ANGPT1: variants seen among roughly 807,000 people sequenced by gnomAD.
The protein encoded by ANGPT1 is angiopoietin-1.
ANGPT1 carries 17 observed loss-of-function variants against 62.2 expected under a neutral mutation model. That is an observed-to-expected ratio of 0.27 (90% CI 0.19 to 0.41). The LOEUF (loss-of-function observed/expected upper bound fraction) is 0.41. Among genes scored for constraint, ANGPT1 ranks in the 10% least tolerant of loss-of-function variants. ANGPT1 has a pLI of 1.00. For synonymous variants in ANGPT1, 199 were observed against 198.9 expected, an observed-to-expected ratio of 1.00 and a Z score of 0.00; for missense variants, 478 against 594.9, an observed-to-expected ratio of 0.80 and a Z score of 2.04.
chr8:107,392,683 A>G (rs186012365), intron 1 of ANGPT1, among the ~76,000 whole-genome samples: 1 of 152,282 alleles, frequency 6.6e-6, no homozygotes, highest in Non-Finnish European at 1.5e-5. Context: ...TAGGAATATT[A>G]ACTCTACTCC....
intron 1 of ANGPT1, among the ~76,000 whole-genome samples, chr8:107,492,676 A>G (rs1478540261): frequency 6.9e-6 from 1 of 145,296 alleles, no homozygotes; most frequent in Admixed American, 7.0e-5. Flanking sequence ...GTTCCCACAA[A>G]TGTGAAAATA....
Position 107,497,642 on chromosome 8 carries a change from T to C in ANGPT1, c.-84A>G. The C allele has an allele frequency of 2.9e-6, 4 of 1,373,224 alleles. No individual in the cohort carries two copies. The highest frequency in any genetic ancestry group is 3.9e-6 in the Non-Finnish European group (4 of 1,025,740). The allele number at this position is 1,373,224 out of a possible 1,614,324, so 85.1% of individuals were successfully genotyped here. A position where few individuals can be genotyped will look rare whatever the true frequency, so the allele number is the denominator to read the frequency against. ...TCTAAAACTAGTTCTTTATTTCAGG[T>C]AAAACTGCTTGTTTGTTTGACTCTT... On this transcript the variant is annotated 5_prime_UTR_variant, in exon 1 of 9. Transcript: ENST00000517746.
At chr8:107,313,735 G>T (rs10955448) in intron 4 of ANGPT1, among the ~76,000 whole-genome samples, 2 of 151,496 alleles carry the variant, frequency 1.3e-5, no homozygotes, top group African/African-American at 4.9e-5. Context: ...GAGCCACCAC[G>T]ACTGGCCAAA....
In ANGPT1 at chr8:107,321,937, T is replaced by C. The variant is rs1426733536; in HGVS notation, c.767A>G (p.Asp256Gly). 2.5e-6 allele frequency: 4 copies of C among 1,613,898 alleles called. No individual in the cohort carries two copies. The change falls in exon 4 of 9, where the codon GAC (aspartate) becomes GGC (glycine). Residue 256 changes from aspartate to glycine, a missense_variant. Physicochemically the swap from Asp to Gly is moderately conservative, Grantham distance 94. Transcript: ENST00000517746. Reference protein sequence around the residue: ...VLQKQQLELMDTVHNLVNLCT... With the variant: ...VLQKQQLELMGTVHNLVNLCT... ...AAGATTGACAAGGTTGTGGACTGTG[T>C]CCATCAGCTCCAGTTGCTGCTTCTG... is the stretch of plus-strand genomic sequence containing the variant.
chr8:107,323,208 A>G (rs796390301), intron 3 of ANGPT1, among the ~76,000 whole-genome samples: 3 of 152,200 alleles, frequency 2.0e-5, no homozygotes, highest in African/African-American at 7.2e-5. Flanking sequence ...GGAGCCTACC[A>G]ACTGACTGGA....
At chr8:107,373,656 T>C (rs1344253502) in intron 1 of ANGPT1, among the ~76,000 whole-genome samples, 4 of 152,188 alleles carry the variant, frequency 2.6e-5, no homozygotes, top group African/African-American at 4.8e-5. Flanking sequence ...TTTTTCTTTC[T>C]AGGGGCTCTC....
rs894065560 is a variant in ANGPT1 at position 107,325,753 on chromosome 8, T to C, written c.576-3625A>G. ...AACTTCTGTTTCAGACATAATACTT[T>C]TTTTTTAAATTTTTGCATCAGTGTT... On this transcript the variant is annotated intron_variant, in intron 3 of 8. Coordinates refer to ENST00000517746, the MANE Select transcript of ANGPT1 (RefSeq NM_001146.5). Among the ~76,000 whole-genome samples, 13 of 152,178 alleles carry C rather than the reference T, an allele frequency of 8.5e-5. No homozygotes were observed. In the South Asian group the frequency reaches 2.7e-3, roughly 31 times the overall value.
chr8:107,314,821 A>G (rs1450223622), intron 4 of ANGPT1, among the ~76,000 whole-genome samples: 5 of 152,226 alleles, frequency 3.3e-5, no homozygotes, highest in African/African-American at 1.2e-4. Flanking sequence ...CGAAACTGAT[A>G]TATTCCATTT....
intron 1 of ANGPT1, among the ~76,000 whole-genome samples, chr8:107,439,626 A>T (rs749637622): frequency 1.3e-5 from 2 of 152,240 alleles, no homozygotes; most frequent in Non-Finnish European, 2.9e-5. Context: ...CAGAACTTAC[A>T]TAAGTAAATA....
chr8:107,262,867 G>A (rs1813525124), intron 8 of ANGPT1, among the ~76,000 whole-genome samples: 1 of 152,102 alleles, frequency 6.6e-6, no homozygotes, highest in African/African-American at 2.4e-5. Flanking sequence ...TTATCTTAGT[G>A]TTTCCCAAAC....
At chr8:107,333,537 T>A (rs3019115) in intron 3 of ANGPT1, among the ~76,000 whole-genome samples, 3 of 151,880 alleles carry the variant, frequency 2.0e-5, no homozygotes, top group Non-Finnish European at 4.4e-5. Context: ...ACATTAGCAA[T>A]AAATGATGTG....
chr8:107,284,013 A>T (rs1035630577), intron 7 of ANGPT1: 26 of 152,070 alleles, frequency 1.7e-4, no homozygotes, highest in African/African-American at 6.3e-4. Context: ...CCTTAGCCAT[A>T]TTTTTGTGTG....
At position 107,324,205 on chromosome 8, in the gene ANGPT1, G is replaced by GTATATA. The variant is rs749951958; in HGVS notation, c.576-2083_576-2078dup. Among the ~76,000 whole-genome samples the GTATATA allele has an allele frequency of 1.5e-3, 177 of 119,024 alleles. 1 individual carries two copies. Among genetic ancestry groups the GTATATA allele is most frequent in the East Asian group, 3.8e-3 (11 of 2,918 alleles). 78.1% of individuals were successfully genotyped at this position (119,024 alleles called of 152,430 possible). On this transcript the variant is annotated intron_variant, in intron 3 of 8. Transcript: ENST00000517746. ...TGTGTGTGTATATATGTATATATAT[G>GTATATA]TATATATATATGTGTGTGTGTGTGT...
intron 3 of ANGPT1, among the ~76,000 whole-genome samples, chr8:107,324,027 C>A: frequency 6.6e-6 from 1 of 151,736 alleles, no homozygotes; most frequent in East Asian, 1.9e-4. Flanking sequence ...GATCTGCCCG[C>A]CTCGGCCTCC....
chr8:107,403,607 C>T (rs765554349), intron 1 of ANGPT1, among the ~76,000 whole-genome samples: 36 of 152,006 alleles, frequency 2.4e-4, no homozygotes, highest in Non-Finnish European at 4.7e-4. Context: ...AAAATATATA[C>T]ACCAAAATGC....
At chr8:107,360,816 C>A (rs565541306) in intron 1 of ANGPT1, among the ~76,000 whole-genome samples, 97 of 152,276 alleles carry the variant, frequency 6.4e-4, no homozygotes, top group African/African-American at 2.2e-3. Flanking sequence ...AAGTCCCCCT[C>A]ACCACTCTCA....
chr8:107,333,600 GA>G (rs1815476178), intron 3 of ANGPT1, among the ~76,000 whole-genome samples: 1 of 152,066 alleles, frequency 6.6e-6, no homozygotes, highest in African/African-American at 2.4e-5. Flanking sequence ...AATTTAATGA[GA>G]GGGGAAAGTT....
At chr8:107,410,235 G>T (rs1251439151) in intron 1 of ANGPT1, among the ~76,000 whole-genome samples, 1 of 152,136 alleles carries the variant, frequency 6.6e-6, no homozygotes, top group African/African-American at 2.4e-5. Flanking sequence ...AACTTCAAGG[G>T]TCTAATACTC....
chr8:107,328,168 C>T (rs1013771640), intron 3 of ANGPT1, among the ~76,000 whole-genome samples: 2 of 151,974 alleles, frequency 1.3e-5, no homozygotes, highest in African/African-American at 2.4e-5. Flanking sequence ...TACAGATGTT[C>T]CAATATTTTC....
Sources: gnomAD v4.1 joint callset for allele counts (sites outside exome capture counted in the v4.1 genomes callset) on GRCh38, gnomAD v4.1.1 for gene constraint, MANE v1.5 for transcripts, NCBI Gene and HGNC (gene_info 2026-07-23, HGNC 2026-07-21) for gene names.